The following XYLT1 variants were observed in gnomAD, a reference collection of about 807,000 sequenced individuals.
The protein encoded by XYLT1 is beta-D-xylosyltransferase 1.
XYLT1 carries 36 observed loss-of-function variants against 91.3 expected under a neutral mutation model. The ratio of observed to expected loss-of-function variants is 0.39; its 90% CI spans 0.30 to 0.52. The LOEUF is 0.52. XYLT1 is among the 20% of genes least tolerant of loss of function. The probability of loss-of-function intolerance (pLI) is 0.68; values close to 1 mark genes in which losing one functional copy is unlikely to be tolerated. For missense variants in XYLT1, 1,242 were observed against 1,284.5 expected, an observed-to-expected ratio of 0.97 and a Z score of 0.51; for synonymous variants, 588 against 532.0, an observed-to-expected ratio of 1.11 and a Z score of -1.45.
chr16:17,236,059 G>T (rs1975827), intron 3 of XYLT1, among the ~76,000 whole-genome samples: 1 of 151,986 alleles, frequency 6.6e-6, no homozygotes, highest in Non-Finnish European at 1.5e-5. Flanking sequence ...TAGAGACGGG[G>T]TTTCACCATA....
intron 2 of XYLT1, among the ~76,000 whole-genome samples, chr16:17,330,602 C>T (rs1185142759): frequency 3.3e-5 from 5 of 150,370 alleles, no homozygotes; most frequent in African/African-American, 4.9e-5. Flanking sequence ...GCCTGGCCAA[C>T]AGGGCAAAAC....
chr16:17,176,541 C>T (rs997677814), intron 5 of XYLT1, among the ~76,000 whole-genome samples: 3 of 152,250 alleles, frequency 2.0e-5, no homozygotes, highest in Non-Finnish European at 2.9e-5. Flanking sequence ...CTTTGCTGCA[C>T]TGGCCTGAGG....
In XYLT1 at chr16:17,470,532, C is replaced by T; in HGVS notation, c.265G>A (p.Gly89Arg). ...GGGGGGGGGGGGRGPQARARG... is the reference protein window; with the variant it reads ...GGGGGGGGGGRGRGPQARARG... ...GCCCGCGCCTGGGGCCCCCGTCCTC[C>T]TCCTCCTCCGCCGCCGCCTCCTCCT... Residue 89 changes from glycine to arginine, a missense_variant, in exon 1 of 12, where the codon GGA becomes AGA. This residue lies in a region of XYLT1 where 437 missense variants were observed against 411.5 expected (regional missense o/e 1.06). Transcript: ENST00000261381. 1 of 1,226,152 alleles carries T rather than the reference C, an allele frequency of 8.2e-7. No individual in the cohort carries two copies. Among genetic ancestry groups the T allele is most frequent in the Non-Finnish European group, 1.0e-6 (1 of 984,822 alleles). The allele number at this position is 1,226,152 out of a possible 1,614,324, so 76.0% of individuals were successfully genotyped here.
At chr16:17,357,207 A>C (rs1317803357) in intron 2 of XYLT1, among the ~76,000 whole-genome samples, 3 of 135,180 alleles carry the variant, frequency 2.2e-5, no homozygotes, top group Non-Finnish European at 3.1e-5. Flanking sequence ...AAACGCTACC[A>C]CTCACAAGCA....
intron 11 of XYLT1, 33 bp from the exon 12 acceptor site, chr16:17,109,050 A>G: frequency 6.7e-7 from 1 of 1,488,032 alleles, no homozygotes; most frequent in East Asian, 2.3e-5. Flanking sequence ...TCAGGATCAG[A>G]AGAGCCACCA....
In XYLT1 at chr16:17,134,523, A is replaced by G. The variant is rs747659858; in HGVS notation, c.1977T>C (p.Gly659=). Residue 659 remains glycine, a synonymous_variant, in exon 9 of 12, where the codon GGT becomes GGC. Coordinates refer to ENST00000261381, the MANE Select transcript of XYLT1 (RefSeq NM_022166.4). ...LTLYHSFARL[G]LRRAETSLHT... ...GCAGGGACGTCTCGGCCCGTCGAAG[A>G]CCCAGGCGGGCAAAGGAGTGGTACA... 4 of 1,614,046 alleles carry G rather than the reference A, an allele frequency of 2.5e-6. No individual in the cohort carries two copies. Among genetic ancestry groups the G allele is most frequent in the Non-Finnish European group, 3.4e-6 (4 of 1,180,010 alleles).
At chr16:17,346,311 T>C (rs140755875) in intron 2 of XYLT1, among the ~76,000 whole-genome samples, 113 of 152,188 alleles carry the variant, frequency 7.4e-4, no homozygotes, top group Non-Finnish European at 1.5e-3. Flanking sequence ...GGTGAGACCC[T>C]AGGAGGATCC....
Position 17,108,753 on chromosome 16 carries a change from A to G in XYLT1, c.2822T>C (p.Phe941Ser), listed in dbSNP as rs74326444. 6.2e-7 allele frequency: 1 copy of G among 1,606,796 alleles called. No individual in the cohort carries two copies. Among genetic ancestry groups the G allele is most frequent in the Admixed American group, 1.7e-5 (1 of 59,942 alleles). ...QTCSQTAWSS[F>S]SPDPKSELGA... Reference sequence around the variant, plus strand: ...CAGCTCCGACTTGGGGTCAGGGCTGAAGGAGCTCCAGGCCGTCTGGCTGCA... The same window carrying G: ...CAGCTCCGACTTGGGGTCAGGGCTGGAGGAGCTCCAGGCCGTCTGGCTGCA... Residue 941 changes from phenylalanine (F) to serine (S), a missense_variant, in exon 12 of 12, where the codon TTC (phenylalanine) becomes TCC (serine). This residue lies in a region of XYLT1 where 511 missense variants were observed against 497.0 expected (regional missense o/e 1.03). Transcript: ENST00000261381.
At chr16:17,147,876 T>C (rs2031175951) in intron 6 of XYLT1, among the ~76,000 whole-genome samples, 1 of 152,222 alleles carries the variant, frequency 6.6e-6, no homozygotes, top group African/African-American at 2.4e-5. Context: ...AAGGGGCGCA[T>C]GGCTCTCTCA....
At position 17,117,871 on chromosome 16, in the gene XYLT1, C is replaced by T. The variant is rs549518869; in HGVS notation, c.2332G>A (p.Val778Met). The change falls in exon 11 of 12, where the codon GTG (valine) becomes ATG (methionine). Residue 778 changes from valine (V) to methionine (M), a missense_variant. Transcript: ENST00000261381. ...GMQKWGKGPN[V>M]TVTVIWVDPV... ...TCCACCCAAATGACGGTCACGGTCA[C>T]ATTAGGTCCCTTCCCCCACTTCTGC... 1 of 1,614,102 alleles carries T rather than the reference C, an allele frequency of 6.2e-7. No individual in the cohort carries two copies. The highest frequency in any genetic ancestry group is 8.5e-7 in the Non-Finnish European group (1 of 1,180,024).
At chr16:17,395,554 G>C (rs186326787) in intron 1 of XYLT1, among the ~76,000 whole-genome samples, 74 of 152,242 alleles carry the variant, frequency 4.9e-4, no homozygotes, top group African/African-American at 1.7e-3. Context: ...TATGTCACAA[G>C]TGCCTGGCAC....
rs192522815 is a variant in XYLT1 at position 17,238,501 on chromosome 16, G to A, written c.913+20487C>T. 2.4e-3 allele frequency among the ~76,000 whole-genome samples: 365 copies of A among 152,336 alleles called. 2 individuals are homozygous for A. Among genetic ancestry groups the A allele is most frequent in the African/African-American group, 8.1e-3 (335 of 41,572 alleles). On this transcript the variant is annotated intron_variant, in intron 3 of 11. Transcript: ENST00000261381. ...ACAGATGATGCATAAATGAATGGGC[G>A]TGGTAGTGTTTTTACAAAAGCAGAC...
chr16:17,327,969 C>T (rs893299125), intron 2 of XYLT1, among the ~76,000 whole-genome samples: 3 of 152,044 alleles, frequency 2.0e-5, no homozygotes, highest in African/African-American at 4.8e-5. Context: ...TTGATGTTGC[C>T]TTGACTATCG....
chr16:17,232,169 T>C (rs12447375), intron 3 of XYLT1, among the ~76,000 whole-genome samples: 2,765 of 144,300 alleles, frequency 0.019, 42 homozygotes, highest in Non-Finnish European at 0.027. Context: ...ATATATAATA[T>C]ATTATACAAT....
Position 17,470,633 on chromosome 16 carries a change from T to TC in XYLT1, c.163dup (p.Glu55GlyfsTer107). 2 of 1,096,294 alleles carry TC rather than the reference T, an allele frequency of 1.8e-6. No individual in the cohort carries two copies. Among genetic ancestry groups the TC allele is most frequent in the Non-Finnish European group, 1.1e-6 (1 of 903,564 alleles). 67.9% of individuals were successfully genotyped at this position (1,096,294 alleles called of 1,614,324 possible). A position where few individuals can be genotyped will look rare whatever the true frequency, so the allele number is the denominator to read the frequency against. ...CGGGGCCGGGGCCGGGGGCGGCTGC[T>TC]CCCCGCCGCCGACCGCTGCGCCCCC... On this transcript the variant is annotated frameshift_variant, in exon 1 of 12. Coordinates refer to ENST00000261381, the MANE Select transcript of XYLT1 (RefSeq NM_022166.4). LOFTEE classifies it high-confidence loss of function.
rs200531572 is a variant in XYLT1, at chr16:17,158,846, G to A, written c.1353C>T (p.His451=). The A allele has an allele frequency of 8.7e-6, 14 of 1,614,032 alleles. No homozygotes were observed. Among genetic ancestry groups the A allele is most frequent in the African/African-American group, 2.7e-5 (2 of 74,994 alleles). Residue 451 remains histidine, a synonymous_variant, in exon 6 of 12, where the codon CAC becomes CAT. Coordinates refer to ENST00000261381, the MANE Select transcript of XYLT1 (RefSeq NM_022166.4). Reference sequence around the variant, plus strand: ...GGTGCTACCTTGCATTGTCCCGGCCGTGTGACTTCAAGAAATTCATATCTC... The same window carrying A: ...GGTGCTACCTTGCATTGTCCCGGCCATGTGACTTCAAGAAATTCATATCTC... ...RYRDMNFLKS[H]GRDNARFIRK...
chr16:17,311,704 C>T (rs1038498947), intron 2 of XYLT1, among the ~76,000 whole-genome samples: 1 of 152,130 alleles, frequency 6.6e-6, no homozygotes, highest in African/African-American at 2.4e-5. Context: ...TGTTTTCACA[C>T]TGCTGATAAA....
At chr16:17,338,603 T>C (rs1432963983) in intron 2 of XYLT1, 1 of 423,660 alleles carries the variant, frequency 2.4e-6, no homozygotes, top group South Asian at 1.7e-5. Context: ...CTTATCCTGG[T>C]CATTCGTGGC....
rs942869331 is a variant in XYLT1 at position 17,450,154 on chromosome 16, A to G, written c.363+20280T>C. 2.6e-5 allele frequency among the ~76,000 whole-genome samples: 4 copies of G among 152,136 alleles called. 1 individual carries two copies. Among genetic ancestry groups the G allele is most frequent in the African/African-American group, 2.4e-5 (1 of 41,426 alleles). On this transcript the variant is annotated intron_variant, in intron 1 of 11. Transcript: ENST00000261381. ...GGAGTTCAAGACCAGCCTGGCCAAC[A>G]TGGTGAAACCCCACCTCTACTAAAA...
Sources: gnomAD v4.1 joint callset for allele counts (sites outside exome capture counted in the v4.1 genomes callset) on GRCh38, gnomAD v4.1.1 for gene constraint, gnomAD v4.1.1 regional missense constraint, MANE v1.5 for transcripts, NCBI Gene and HGNC (gene_info 2026-07-23, HGNC 2026-07-21) for gene names.